The following MCTP1 variants were observed in gnomAD, a reference collection of about 807,000 sequenced individuals.
The protein encoded by MCTP1 is multiple C2 and transmembrane domain-containing protein 1.
A neutral mutation model predicts 120.6 loss-of-function variants in MCTP1; 69 were observed. The observed-to-expected ratio is 0.57, with a 90% CI of 0.47 to 0.70. The LOEUF is 0.70. Ranked by LOEUF, MCTP1 falls within the 30% of genes least tolerant of loss-of-function variation. MCTP1 has a pLI of 0.00. For synonymous variants in MCTP1, 529 were observed against 493.1 expected (o/e 1.07, Z -0.96); for missense variants, 1,203 against 1,248.8 (o/e 0.96, Z 0.55).
chr5:95,149,786 G>C (rs967883149), intron 1 of MCTP1, among the ~76,000 whole-genome samples: 1 of 152,174 alleles, frequency 6.6e-6, no homozygotes, highest in African/African-American at 2.4e-5. Context: ...AACTCCCAGA[G>C]GTTCTCTCTA....
intron 2 of MCTP1, among the ~76,000 whole-genome samples, chr5:94,991,595 T>C (rs189713505): frequency 6.6e-6 from 1 of 152,286 alleles, no homozygotes; most frequent in Non-Finnish European, 1.5e-5. Flanking sequence ...AGCAGCTTCA[T>C]GCTTTAAAGA....
At position 95,284,227 on chromosome 5, in the gene MCTP1, G is replaced by C; in HGVS notation, c.349C>G (p.Gln117Glu). Reference sequence around the variant, plus strand: ...ATCCGGCGGCGTAGCGTGGACCCCTGCTCGGCTCTGCCGGCGCCGCCGGGC... The same window carrying C: ...ATCCGGCGGCGTAGCGTGGACCCCTCCTCGGCTCTGCCGGCGCCGCCGGGC... ...LEPGGAGRAE[Q>E]GSTLRRRIRE... The change falls in exon 1 of 23, where the codon CAG becomes GAG. Residue 117 changes from glutamine to glutamate, a missense_variant. By Grantham distance (29) the Gln-to-Glu change is conservative. Coordinates refer to ENST00000515393, the MANE Select transcript of MCTP1 (RefSeq NM_024717.7). This position sits in a 1 kb window ranked among gnomAD's most constrained non-coding sequence, Gnocchi z 5.2. 2 of 1,582,884 alleles carry C rather than the reference G, an allele frequency of 1.3e-6. No homozygotes were observed. The highest frequency in any genetic ancestry group is 1.1e-5 in the South Asian group (1 of 88,002).
At chr5:94,859,315 A>C (rs370393774) in intron 17 of MCTP1, among the ~76,000 whole-genome samples, 7 of 151,822 alleles carry the variant, frequency 4.6e-5, no homozygotes, top group African/African-American at 1.7e-4. Flanking sequence ...AGTGGGGGAC[A>C]GGGTAGAGCC....
chr5:95,284,396 G>T lies in MCTP1; in HGVS notation c.180C>A (p.Pro60=). The T allele has an allele frequency of 1.3e-6, 2 of 1,591,484 alleles. No individual in the cohort carries two copies. Among genetic ancestry groups the T allele is most frequent in the Non-Finnish European group, 1.7e-6 (2 of 1,177,258 alleles). ...TADTPSPSPP[P]PVGTGNAPAR... ...CCGGTGCATTCCCTGTGCCCACCGG[G>T]GGTGGCGGGGAGGGCGACGGGGTGT... Residue 60 remains proline (P), a synonymous_variant, in exon 1 of 23, where the codon CCC becomes CCA. Transcript: ENST00000515393. This position sits in a 1 kb window ranked among gnomAD's most constrained non-coding sequence, Gnocchi z 5.2.
chr5:94,734,003 T>C (rs576835158), intron 19 of MCTP1, among the ~76,000 whole-genome samples: 64 of 151,532 alleles, frequency 4.2e-4, no homozygotes, highest in African/African-American at 1.4e-3. Flanking sequence ...GGAAAATACC[T>C]CAATGCTTAT....
intron 1 of MCTP1, among the ~76,000 whole-genome samples, chr5:95,172,932 T>C (rs1747514244): frequency 1.3e-5 from 2 of 152,188 alleles, no homozygotes; most frequent in South Asian, 2.1e-4. Flanking sequence ...AATAGGAACA[T>C]AGTCCCTCTT....
intron 1 of MCTP1, among the ~76,000 whole-genome samples, chr5:95,134,028 C>T (rs1562170057): frequency 6.6e-6 from 1 of 152,176 alleles, no homozygotes; most frequent in Non-Finnish European, 1.5e-5. Context: ...TTGGCACGTA[C>T]TTTTCATCTG....
intron 1 of MCTP1, 66 bp downstream of exon 1, chr5:95,283,790 G>T: frequency 8.1e-7 from 1 of 1,241,884 alleles, no homozygotes; most frequent in Non-Finnish European, 1.0e-6. Context: ...TCCCCGGGTG[G>T]TGAACGCCTG....
intron 2 of MCTP1, among the ~76,000 whole-genome samples, chr5:95,014,117 A>T (rs1243665855): frequency 1.3e-5 from 2 of 152,062 alleles, no homozygotes; most frequent in Non-Finnish European, 2.9e-5. Context: ...GAAAAAAAAT[A>T]GCCGGGCATG....
chr5:95,193,673 A>G (rs1278613719), intron 1 of MCTP1, among the ~76,000 whole-genome samples: 3 of 152,188 alleles, frequency 2.0e-5, no homozygotes, highest in Non-Finnish European at 4.4e-5. Context: ...GCATACAAGT[A>G]GAGAATAAAG....
At chr5:95,007,202 C>T (rs1834940504) in intron 2 of MCTP1, among the ~76,000 whole-genome samples, 1 of 152,046 alleles carries the variant, frequency 6.6e-6, no homozygotes, top group African/African-American at 2.4e-5. Flanking sequence ...GGTAATCGCC[C>T]CCACAATTCA....
At chr5:94,922,080 G>T (rs1056655502) in intron 7 of MCTP1, among the ~76,000 whole-genome samples, 1 of 152,120 alleles carries the variant, frequency 6.6e-6, no homozygotes, top group African/African-American at 2.4e-5. Flanking sequence ...GACCCCTAAA[G>T]GTTATGCCTA....
At chr5:95,187,987 G>C (rs767487754) in intron 1 of MCTP1, among the ~76,000 whole-genome samples, 9 of 151,936 alleles carry the variant, frequency 5.9e-5, no homozygotes, top group Non-Finnish European at 1.0e-4. Context: ...GTACCCCATA[G>C]ATATATACAC....
intron 2 of MCTP1, among the ~76,000 whole-genome samples, chr5:95,016,496 G>A (rs143271026): frequency 1.2e-3 from 186 of 151,882 alleles, no homozygotes; most frequent in African/African-American, 4.3e-3. Context: ...TAAATATGAC[G>A]TCAAATAGGG....
chr5:94,930,434 T>G (rs1248647798), intron 6 of MCTP1, among the ~76,000 whole-genome samples: 2 of 151,764 alleles, frequency 1.3e-5, no homozygotes, highest in African/African-American at 4.8e-5. Flanking sequence ...CCACTACGTC[T>G]GGCTAATTTT....
chr5:95,042,799 A>G (rs1264081676), intron 1 of MCTP1, among the ~76,000 whole-genome samples: 1 of 152,176 alleles, frequency 6.6e-6, no homozygotes, highest in Non-Finnish European at 1.5e-5. Context: ...TCTGATGTCA[A>G]TACATTCAGC....
At chr5:95,074,140 ACTCTTGGG>A (rs1752964558) in intron 1 of MCTP1, among the ~76,000 whole-genome samples, 1 of 151,952 alleles carries the variant, frequency 6.6e-6, no homozygotes, top group Non-Finnish European at 1.5e-5. Flanking sequence ...AAAAAATTAC[ACTCTTGGG>A]CTCTACCCAT....
chr5:95,257,724 C>A (rs1341535438), intron 1 of MCTP1, among the ~76,000 whole-genome samples: 2 of 150,448 alleles, frequency 1.3e-5, no homozygotes, highest in African/African-American at 4.9e-5. Context: ...AAGACTAGAG[C>A]AGGAAATATA....
At chr5:95,240,780 C>A (rs1043783160) in intron 1 of MCTP1, among the ~76,000 whole-genome samples, 1 of 152,072 alleles carries the variant, frequency 6.6e-6, no homozygotes. Flanking sequence ...TAGGTTTAAT[C>A]TAAACATTCC....
Sources: allele counts gnomAD v4.1 joint callset (sites outside exome capture counted in the v4.1 genomes callset), GRCh38; gene constraint gnomAD v4.1.1; non-coding constraint Gnocchi (gnomAD v3.1); transcripts MANE v1.5; gene names NCBI Gene and HGNC (gene_info 2026-07-23, HGNC 2026-07-21).